Variants in EPHB2 observed in about 807,000 individuals in gnomAD.
EPHB2 encodes the protein ephrin type-B receptor 2.
Under a neutral mutation model 96.4 loss-of-function variants are expected in EPHB2, and 18 were observed. The ratio of observed to expected loss-of-function variants is 0.19; its 90% CI spans 0.13 to 0.28. EPHB2 has a LOEUF of 0.28. Among genes scored for constraint, EPHB2 ranks in the 10% least tolerant of loss-of-function variants. The pLI, the probability that EPHB2 is intolerant of heterozygous loss-of-function variation, is 1.00. For synonymous variants in EPHB2, 506 were observed against 534.1 expected (o/e 0.95, Z 0.72); for missense variants, 989 against 1,355.4 (o/e 0.73, Z 4.25).
chr1:22,850,545 A>T (rs1645611269), intron 3 of EPHB2, among the ~76,000 whole-genome samples: 1 of 152,188 alleles, frequency 6.6e-6, no homozygotes, highest in African/African-American at 2.4e-5. Flanking sequence ...AGCTTTGCAA[A>T]CACATCCGAC....
chr1:22,860,244 G>A lies in EPHB2; in HGVS notation c.812-2793G>A, dbSNP rs1215536660. On this transcript the variant is annotated intron_variant, in intron 3 of 15. Coordinates refer to ENST00000374630, the MANE Select transcript of EPHB2 (RefSeq NM_017449.5). This position sits in a 1 kb window ranked among gnomAD's most constrained non-coding sequence, Gnocchi z 4.6. ...TGGCGTGAGAGGCTGAGGAGTGGGT[G>A]GAAAGAGCTTTCTAGATGCTGGCAG... is the stretch of plus-strand genomic sequence containing the variant. Among the ~76,000 whole-genome samples, 1 of 152,150 alleles carries A rather than the reference G, an allele frequency of 6.6e-6. No individual in the cohort carries two copies. The highest frequency in any genetic ancestry group is 6.5e-5 in the Admixed American group (1 of 15,274).
chr1:22,713,444 C>T (rs1643210491), intron 1 of EPHB2, among the ~76,000 whole-genome samples: 1 of 152,164 alleles, frequency 6.6e-6, no homozygotes, highest in Admixed American at 6.5e-5. Flanking sequence ...TCGTTTTCCT[C>T]CCCCGTCTAG....
chr1:22,873,664 C>T (rs539489628), intron 5 of EPHB2, among the ~76,000 whole-genome samples: 2 of 145,040 alleles, frequency 1.4e-5, no homozygotes, highest in African/African-American at 5.1e-5. Flanking sequence ...TACAGCAACT[C>T]CGTGGAGCCA....
chr1:22,750,521 C>G (rs1049149550), intron 1 of EPHB2, among the ~76,000 whole-genome samples: 5 of 152,232 alleles, frequency 3.3e-5, no homozygotes, highest in South Asian at 4.2e-4. Flanking sequence ...AAGAAAGTTC[C>G]CCTTCCCTTC....
intron 1 of EPHB2, among the ~76,000 whole-genome samples, chr1:22,731,568 G>C (rs547511952): frequency 1.3e-5 from 2 of 152,284 alleles, no homozygotes; most frequent in South Asian, 2.1e-4. Flanking sequence ...GGCTAGGCGC[G>C]GTGGCTCATG....
At chr1:22,776,071 A>G (rs778867911) in intron 1 of EPHB2, among the ~76,000 whole-genome samples, 8 of 152,060 alleles carry the variant, frequency 5.3e-5, no homozygotes, top group Non-Finnish European at 8.8e-5. Context: ...AGAGCTGCTA[A>G]CCGTTCATGG....
intron 3 of EPHB2, among the ~76,000 whole-genome samples, chr1:22,862,670 G>A (rs1469939853): frequency 6.6e-6 from 1 of 152,066 alleles, no homozygotes; most frequent in Non-Finnish European, 1.5e-5. Flanking sequence ...AAGAATCAGG[G>A]CCCAGCCAGA....
intron 9 of EPHB2, among the ~76,000 whole-genome samples, chr1:22,901,959 G>A (rs1184218577): frequency 6.6e-6 from 1 of 152,106 alleles, no homozygotes. Context: ...CCAGGTAGCT[G>A]GGATCACAAG....
intron 1 of EPHB2, among the ~76,000 whole-genome samples, chr1:22,713,176 C>T (rs1643200726): frequency 2.0e-5 from 3 of 152,074 alleles, no homozygotes; most frequent in African/African-American, 7.2e-5. Flanking sequence ...CAGCAGGCAC[C>T]CCAATGCTTG....
At position 22,912,459 on chromosome 1, in the gene EPHB2, G is replaced by T; in HGVS notation, c.2712G>T (p.Leu904=). The change falls in exon 15 of 16, where the codon CTG becomes CTT. Residue 904 remains leucine (L), a synonymous_variant. Transcript: ENST00000374630. The stretch of plus-strand genomic sequence containing the variant: ...CCAACCCCAGCATCAACCTGCCGCT[G>T]CTGGACCGCACGATCCCCGACTACA... The part of the protein sequence containing the change: ...APLSSGINLP[L]LDRTIPDYTS... 2 of 1,614,070 alleles carry T rather than the reference G, an allele frequency of 1.2e-6. No individual in the cohort carries two copies. The highest frequency in any genetic ancestry group is 2.7e-5 in the African/African-American group (2 of 75,040).
intron 3 of EPHB2, among the ~76,000 whole-genome samples, chr1:22,854,001 GC>G (rs574684206): frequency 2.0e-4 from 31 of 152,380 alleles, no homozygotes; most frequent in African/African-American, 7.0e-4. Context: ...CCCAGCAGGG[GC>G]AGACAGGAGG....
At chr1:22,725,037 C>T (rs1448299013) in intron 1 of EPHB2, among the ~76,000 whole-genome samples, 2 of 152,152 alleles carry the variant, frequency 1.3e-5, no homozygotes, top group African/African-American at 4.8e-5. Flanking sequence ...CCCCCTTCTG[C>T]TCTTGGTGGC....
At chr1:22,739,888 G>T in intron 1 of EPHB2, among the ~76,000 whole-genome samples, 1 of 152,190 alleles carries the variant, frequency 6.6e-6, no homozygotes, top group East Asian at 1.9e-4. Flanking sequence ...AGTTGTGCCG[G>T]GCTGCAGAAG....
At chr1:22,714,396 C>T (rs1643239423) in intron 1 of EPHB2, among the ~76,000 whole-genome samples, 1 of 152,140 alleles carries the variant, frequency 6.6e-6, no homozygotes, top group African/African-American at 2.4e-5. Context: ...GACTTTAGAA[C>T]TTATAGGATG....
At chr1:22,736,552 C>G (rs1643833215) in intron 1 of EPHB2, among the ~76,000 whole-genome samples, 1 of 152,184 alleles carries the variant, frequency 6.6e-6, no homozygotes, top group Non-Finnish European at 1.5e-5. Context: ...GCCTGGGAGC[C>G]TCGGTGGGGC....
chr1:22,819,494 C>T (rs1047596408), intron 3 of EPHB2, among the ~76,000 whole-genome samples: 1 of 152,114 alleles, frequency 6.6e-6, no homozygotes, highest in African/African-American at 2.4e-5. Context: ...CCAGTAGGGC[C>T]ATTAAGTCAC....
chr1:22,907,362 T>C (rs1453123450), intron 11 of EPHB2, among the ~76,000 whole-genome samples: 1 of 152,240 alleles, frequency 6.6e-6, no homozygotes, highest in Non-Finnish European at 1.5e-5. Flanking sequence ...ACCAAGTGTC[T>C]TGACCTCTCA....
intron 1 of EPHB2, among the ~76,000 whole-genome samples, chr1:22,731,790 A>G (rs1373327055): frequency 6.6e-6 from 1 of 152,240 alleles, no homozygotes; most frequent in East Asian, 1.9e-4. Context: ...CAGTGAGCCA[A>G]GATCACGCCA....
At chr1:22,720,518 C>T (rs1435479466) in intron 1 of EPHB2, among the ~76,000 whole-genome samples, 2 of 152,074 alleles carry the variant, frequency 1.3e-5, no homozygotes, top group East Asian at 1.9e-4. Context: ...AATCTAGACG[C>T]CCCCTTACTG....
Sources: gnomAD v4.1 joint callset for allele counts (sites outside exome capture counted in the v4.1 genomes callset) on GRCh38, gnomAD v4.1.1 for gene constraint, Gnocchi (gnomAD v3.1) non-coding constraint, MANE v1.5 for transcripts, NCBI Gene and HGNC (gene_info 2026-07-23, HGNC 2026-07-21) for gene names.